The following KMT2C variants were observed in gnomAD, a reference collection of about 807,000 sequenced individuals.
The protein encoded by KMT2C is histone-lysine N-methyltransferase 2C.
Under a neutral mutation model 507.9 loss-of-function variants are expected in KMT2C, and 88 were observed. That is an observed-to-expected ratio of 0.17 (90% confidence interval 0.15 to 0.21). The LOEUF (loss-of-function observed/expected upper bound fraction) is 0.21. KMT2C is among the 10% of genes least tolerant of loss of function. The pLI, the probability that KMT2C is intolerant of heterozygous loss-of-function variation, is 1.00. For missense variants in KMT2C, 4,954 were observed against 5,957.8 expected, an observed-to-expected ratio of 0.83 and a Z score of 5.55; for synonymous variants, 2,049 against 2,080.8, an observed-to-expected ratio of 0.98 and a Z score of 0.42.
At chr7:152,169,340 G>T in intron 40 of KMT2C, 91 bp from the exon 41 acceptor site, 6 of 726,620 alleles carry the variant, frequency 8.3e-6, no homozygotes, top group Non-Finnish European at 1.4e-5. Flanking sequence ...AAAAAGAAAT[G>T]GAAGAAAAAA....
intron 9 of KMT2C, among the ~76,000 whole-genome samples, chr7:152,259,530 C>T (rs911089709): frequency 4.0e-5 from 6 of 150,672 alleles, no homozygotes; most frequent in African/African-American, 1.2e-4. Flanking sequence ...CAATGAAATG[C>T]TAACAACTGA....
intron 42 of KMT2C, among the ~76,000 whole-genome samples, chr7:152,165,501 T>C (rs1238918884): frequency 6.6e-6 from 1 of 152,202 alleles, no homozygotes; most frequent in Non-Finnish European, 1.5e-5. Context: ...AGAGAGTAGA[T>C]TTAAAGAGAA....
At chr7:152,158,538 C>G (rs1016562407) in intron 44 of KMT2C, among the ~76,000 whole-genome samples, 3 of 148,314 alleles carry the variant, frequency 2.0e-5, no homozygotes, top group Non-Finnish European at 3.0e-5. Flanking sequence ...TTTTTTGAGA[C>G]ACAGTCTCAT....
intron 46 of KMT2C, 114 bp downstream of exon 46, chr7:152,155,796 A>C: frequency 1.0e-6 from 1 of 968,162 alleles, no homozygotes; most frequent in Non-Finnish European, 1.5e-6. Context: ...ACCAAATTGT[A>C]CTCTTCAAAT....
At chr7:152,357,752 A>G (rs189689890) in intron 2 of KMT2C, among the ~76,000 whole-genome samples, 1 of 152,278 alleles carries the variant, frequency 6.6e-6, no homozygotes, top group African/African-American at 2.4e-5. Flanking sequence ...GAAACTATAG[A>G]TTATTTGAAG....
intron 2 of KMT2C, among the ~76,000 whole-genome samples, chr7:152,354,030 C>A (rs939127059): frequency 2.6e-5 from 4 of 152,118 alleles, no homozygotes; most frequent in Non-Finnish European, 1.5e-5. Flanking sequence ...GTTCTCCTTG[C>A]CCTATGTTCA....
intron 1 of KMT2C, among the ~76,000 whole-genome samples, chr7:152,432,670 G>A (rs901146047): frequency 6.6e-6 from 1 of 152,146 alleles, no homozygotes; most frequent in African/African-American, 2.4e-5. Context: ...TGTAAAAGCA[G>A]TAACTATATA....
At chr7:152,172,969 G>A (rs2093033268) in intron 39 of KMT2C, among the ~76,000 whole-genome samples, 1 of 151,814 alleles carries the variant, frequency 6.6e-6, no homozygotes, top group African/African-American at 2.4e-5. Context: ...CATTTCCTTC[G>A]TAATGCTATG....
Position 152,327,725 on chromosome 7 carries a change from A to G in KMT2C, c.389+2876T>C, listed in dbSNP as rs748341509. 8.5e-5 allele frequency among the ~76,000 whole-genome samples: 13 copies of G among 152,240 alleles called. No individual in the cohort carries two copies. In the South Asian group the frequency reaches 1.0e-3, roughly 12 times the overall value. On this transcript the variant is annotated intron_variant, in intron 3 of 58. Transcript: ENST00000262189. ...TGTACTCCCAACACTTTGGGAGGCC[A>G]AGGCGGGTGGATCACGAGGTCAGGA...
At chr7:152,247,557 T>C (rs1486313638) in intron 14 of KMT2C, among the ~76,000 whole-genome samples, 2 of 152,290 alleles carry the variant, frequency 1.3e-5, no homozygotes, top group Admixed American at 6.5e-5. Flanking sequence ...AGATGTTAGT[T>C]ACTGTATACC....
At position 152,154,462 on chromosome 7, in the gene KMT2C, A is replaced by G. The variant is rs2129098890; in HGVS notation, c.11961-17T>C. On this transcript the variant is annotated splice_polypyrimidine_tract_variant and intron_variant, in intron 46 of 58. Coordinates refer to ENST00000262189, the MANE Select transcript of KMT2C (RefSeq NM_170606.3). ...TCCTGTATCCTGAAAAAACATAAAC[A>G]CACACATCAAAGTCTGCAAATCCAC... 6.2e-7 allele frequency: 1 copy of G among 1,607,926 alleles called. No individual in the cohort carries two copies. The highest frequency in any genetic ancestry group is 8.5e-7 in the Non-Finnish European group (1 of 1,179,208).
chr7:152,249,278 A>G (rs1276340839), intron 13 of KMT2C, among the ~76,000 whole-genome samples: 3 of 151,140 alleles, frequency 2.0e-5, no homozygotes, highest in Non-Finnish European at 2.9e-5. Context: ...GTAAAAAGAC[A>G]CTGCTAGCCT....
chr7:152,227,598 G>A (rs2094971873), intron 18 of KMT2C, among the ~76,000 whole-genome samples: 1 of 152,216 alleles, frequency 6.6e-6, no homozygotes, highest in African/African-American at 2.4e-5. Flanking sequence ...GCTGCCCAGG[G>A]AGGGAGAACC....
At chr7:152,406,093 GTT>G (rs5888468) in intron 1 of KMT2C, among the ~76,000 whole-genome samples, 556 of 151,172 alleles carry the variant, frequency 3.7e-3, no homozygotes, top group Middle Eastern at 0.024. Context: ...AGACAAAATA[GTT>G]TTTAAAAAAA....
intron 1 of KMT2C, among the ~76,000 whole-genome samples, chr7:152,401,091 T>C (rs1220475843): frequency 1.3e-5 from 2 of 151,586 alleles, no homozygotes; most frequent in African/African-American, 4.9e-5. Flanking sequence ...TAGAAACTAT[T>C]CATTAACTTT....
intron 34 of KMT2C, among the ~76,000 whole-genome samples, chr7:152,184,055 ACT>A (rs1185630052): frequency 6.7e-6 from 1 of 149,092 alleles, no homozygotes; most frequent in Non-Finnish European, 1.5e-5. Context: ...CTGGGCAACA[ACT>A]GTGAAGCTCC....
chr7:152,148,895 A>G lies in KMT2C; in HGVS notation c.13032T>C (p.Asp4344=), dbSNP rs1227270284. Residue 4344 remains aspartate, a synonymous_variant, in exon 52 of 59, where the codon GAT becomes GAC. Coordinates refer to ENST00000262189, the MANE Select transcript of KMT2C (RefSeq NM_170606.3). The surrounding 1 kb of genome is among the most constrained non-coding windows in gnomAD (Gnocchi z 7.1). ...RLRAVHGGFE[D]CRPLNKKWRG... is the part of the protein sequence containing the mutation. The stretch of plus-strand genomic sequence containing the variant: ...TCCATTTTTTATTGAGCGGCCTGCA[A>G]TCTTCAAACCCACCATGGACAGCTC... 14 of 1,613,984 alleles carry G rather than the reference A, an allele frequency of 8.7e-6. No individual in the cohort carries two copies. The highest frequency in any genetic ancestry group is 1.3e-5 in the African/African-American group (1 of 74,880).
At chr7:152,271,289 C>T (rs2095962545) in intron 7 of KMT2C, among the ~76,000 whole-genome samples, 2 of 152,090 alleles carry the variant, frequency 1.3e-5, no homozygotes, top group Non-Finnish European at 2.9e-5. Context: ...CTGCAATATT[C>T]TTTAAATTAT....
chr7:152,283,655 G>A (rs1053987225), intron 6 of KMT2C, among the ~76,000 whole-genome samples: 5 of 152,124 alleles, frequency 3.3e-5, no homozygotes, highest in Non-Finnish European at 7.4e-5. Context: ...TCAATAAGGT[G>A]AACCAGATTC....
Sources: gnomAD v4.1 joint callset for allele counts (sites outside exome capture counted in the v4.1 genomes callset) on GRCh38, gnomAD v4.1.1 for gene constraint, Gnocchi (gnomAD v3.1) non-coding constraint, MANE v1.5 for transcripts, NCBI Gene and HGNC (gene_info 2026-07-23, HGNC 2026-07-21) for gene names.